The following BAZ1B variants were observed in gnomAD, a reference collection of about 807,000 sequenced individuals.
BAZ1B encodes tyrosine-protein kinase BAZ1B.
BAZ1B carries 22 observed loss-of-function variants against 153.8 expected under a neutral mutation model. The ratio of observed to expected loss-of-function variants is 0.14; its 90% CI spans 0.10 to 0.20. The LOEUF is 0.20. BAZ1B is among the 10% of genes least tolerant of loss of function. The pLI, the probability that BAZ1B is intolerant of heterozygous loss-of-function variation, is 1.00. For synonymous variants in BAZ1B, 676 were observed against 633.4 expected, an observed-to-expected ratio of 1.07 and a Z score of -1.01; for missense variants, 1,325 against 1,799.3, an observed-to-expected ratio of 0.74 and a Z score of 4.77.
At chr7:73,488,501 G>A (rs782039302) in intron 6 of BAZ1B, among the ~76,000 whole-genome samples, 1 of 152,000 alleles carries the variant, frequency 6.6e-6, no homozygotes, top group Non-Finnish European at 1.5e-5. Context: ...GGAGGCCGAG[G>A]CAGGCGGATC....
At chr7:73,502,940 G>A (rs141601277) in intron 3 of BAZ1B, among the ~76,000 whole-genome samples, 508 of 152,224 alleles carry the variant, frequency 3.3e-3, no homozygotes, top group Middle Eastern at 0.014. Context: ...ATTCTTCTGC[G>A]ACTTCTTTCA....
chr7:73,469,955 G>T (rs782478402), intron 8 of BAZ1B, among the ~76,000 whole-genome samples: 1 of 152,198 alleles, frequency 6.6e-6, no homozygotes, highest in East Asian at 1.9e-4. Flanking sequence ...CAATCCTCTC[G>T]ACTCAGCCTC....
intron 11 of BAZ1B, among the ~76,000 whole-genome samples, chr7:73,464,598 T>C (rs1313110500): frequency 6.6e-6 from 1 of 152,210 alleles, no homozygotes; most frequent in Admixed American, 6.5e-5. Context: ...CACATGGCCT[T>C]TGATGTCTGA....
At chr7:73,464,329 A>C (rs1251593470) in intron 11 of BAZ1B, 2 of 167,522 alleles carry the variant, frequency 1.2e-5, no homozygotes, top group African/African-American at 4.8e-5. Flanking sequence ...TACTTTGTAG[A>C]CAGAACAGGG....
intron 1 of BAZ1B, 92 bp downstream of exon 1, chr7:73,521,735 C>T (rs960803574): frequency 7.6e-5 from 84 of 1,108,214 alleles, no homozygotes; most frequent in Non-Finnish European, 9.6e-5. Flanking sequence ...TGCCCCGGGC[C>T]GGGGATGCGC....
chr7:73,521,307 G>A (rs1554580143), intron 1 of BAZ1B, among the ~76,000 whole-genome samples: 1 of 152,000 alleles, frequency 6.6e-6, no homozygotes, highest in Non-Finnish European at 1.5e-5. Context: ...CTCGGGAGAC[G>A]AAAAAAACGC....
At chr7:73,485,025 TA>T (rs1789349333) in intron 6 of BAZ1B, among the ~76,000 whole-genome samples, 1 of 152,132 alleles carries the variant, frequency 6.6e-6, no homozygotes, top group Admixed American at 6.5e-5. Context: ...ATAGATTAGA[TA>T]ATAGAGTTAT....
intron 10 of BAZ1B, 81 bp from the exon 11 acceptor site, chr7:73,465,618 T>C: frequency 4.7e-6 from 4 of 857,234 alleles, no homozygotes; most frequent in Non-Finnish European, 5.5e-6. Flanking sequence ...GATCTAGAGT[T>C]GGTGGTGGGA....
chr7:73,512,717 A>G (rs193023762), intron 1 of BAZ1B, among the ~76,000 whole-genome samples: 2 of 152,380 alleles, frequency 1.3e-5, no homozygotes, highest in Admixed American at 1.3e-4. Flanking sequence ...TGACATAAGT[A>G]GAAAGTTAGT....
In BAZ1B at chr7:73,522,257, T is replaced by C; in HGVS notation, c.-324A>G. 5.4e-6 allele frequency: 2 copies of C among 367,216 alleles called. No homozygotes were observed. Among genetic ancestry groups the C allele is most frequent in the Non-Finnish European group, 9.7e-6 (2 of 205,948 alleles). 22.7% of individuals were successfully genotyped at this position (367,216 alleles called of 1,614,324 possible). A position where few individuals can be genotyped will look rare whatever the true frequency, so the allele number is the denominator to read the frequency against. The stretch of plus-strand genomic sequence containing the variant: ...GAAATTATTGAAAAATGGCGGGAGA[T>C]TCCCCTCCTCCCCCGGGCCCGGCCA... On this transcript the variant is annotated 5_prime_UTR_variant, in exon 1 of 20. Coordinates refer to ENST00000339594, the MANE Select transcript of BAZ1B (RefSeq NM_032408.4).
intron 13 of BAZ1B, among the ~76,000 whole-genome samples, chr7:73,458,899 T>G (rs931499550): frequency 6.6e-6 from 1 of 151,942 alleles, no homozygotes; most frequent in African/African-American, 2.4e-5. Flanking sequence ...ATCTAAAAAT[T>G]AAATAAACAA....
At chr7:73,448,804 G>T (rs1554567350) in intron 15 of BAZ1B, among the ~76,000 whole-genome samples, 2 of 152,214 alleles carry the variant, frequency 1.3e-5, no homozygotes, top group Non-Finnish European at 2.9e-5. Flanking sequence ...AAGAGTCTCA[G>T]AAGTGAGGCC....
chr7:73,498,790 CAACT>C, intron 3 of BAZ1B, 92 bp from the exon 4 acceptor site: 1 of 1,094,148 alleles, frequency 9.1e-7, no homozygotes, highest in Non-Finnish European at 1.3e-6. Context: ...CATGCCTCCT[CAACT>C]AACAAAAGGT....
chr7:73,481,764 G>A (rs1001231597), intron 6 of BAZ1B, among the ~76,000 whole-genome samples: 3 of 152,048 alleles, frequency 2.0e-5, no homozygotes, highest in Non-Finnish European at 4.4e-5. Flanking sequence ...GTTGCCGGGC[G>A]GGGTGGCTCA....
chr7:73,518,246 C>CAA (rs34315305), intron 1 of BAZ1B, among the ~76,000 whole-genome samples: 14 of 127,530 alleles, frequency 1.1e-4, no homozygotes, highest in East Asian at 4.5e-4. Flanking sequence ...CTAAAAATAC[C>CAA]AAAAAAAAAA....
At chr7:73,492,219 G>A (rs1789677916) in intron 5 of BAZ1B, among the ~76,000 whole-genome samples, 1 of 151,962 alleles carries the variant, frequency 6.6e-6, no homozygotes, top group Non-Finnish European at 1.5e-5. Context: ...CTGGAGTGCA[G>A]TGGCGTGATC....
chr7:73,463,226 T>C (rs1583899374), intron 11 of BAZ1B, 127 bp from the exon 12 acceptor site: 1 of 821,912 alleles, frequency 1.2e-6, no homozygotes, highest in South Asian at 1.9e-5. Context: ...CTCCCTGGTG[T>C]TTTTTCTTTT....
chr7:73,444,199 G>C lies in BAZ1B; in HGVS notation c.3845-70C>G. The C allele has an allele frequency of 3.4e-6, 5 of 1,471,452 alleles. No individual in the cohort carries two copies. The South Asian group carries it at 5.6e-5, about 17-fold the overall frequency. 91.1% of individuals were successfully genotyped at this position (1,471,452 alleles called of 1,614,324 possible). ...AGGGAGGAGCATCTTCGAAATGGGG[G>C]AAAGGGATGCAGGGAGAATCCTTTT... On this transcript the variant is annotated intron_variant, in intron 16 of 19. Coordinates refer to ENST00000339594, the MANE Select transcript of BAZ1B (RefSeq NM_032408.4).
At chr7:73,498,814 A>G in intron 3 of BAZ1B, 116 bp from the exon 4 acceptor site, 1 of 869,796 alleles carries the variant, frequency 1.1e-6, no homozygotes, top group Non-Finnish European at 1.8e-6. Context: ...TGATTGAAAC[A>G]GTAAAGTATC....
Sources: gnomAD v4.1 joint callset for allele counts (sites outside exome capture counted in the v4.1 genomes callset) on GRCh38, gnomAD v4.1.1 for gene constraint, MANE v1.5 for transcripts, NCBI Gene and HGNC (gene_info 2026-07-23, HGNC 2026-07-21) for gene names.